Variants in CHLSN observed in about 807,000 individuals in gnomAD.
CHLSN encodes the protein cholesin.
chr7:1,009,034 CACACATGCACACACGT>C, the CHLSN span, among the ~76,000 whole-genome samples: 1 of 80,302 alleles, frequency 1.2e-5, no homozygotes, highest in African/African-American at 6.4e-5. Context: ...CACACACGTA[CACACATGCACACACGT>C]ACACGTGCAC....
chr7:1,082,662 A>G, the CHLSN span, among the ~76,000 whole-genome samples: 324 of 152,298 alleles, frequency 2.1e-3, 1 homozygote, highest in Non-Finnish European at 3.9e-3. Context: ...ATCCCAAAGC[A>G]TATCACAGCC....
At chr7:1,015,737 T>A in the CHLSN span, among the ~76,000 whole-genome samples, 1 of 152,080 alleles carries the variant, frequency 6.6e-6, no homozygotes, top group Non-Finnish European at 1.5e-5. Context: ...GGGCCCCTAA[T>A]GCCCAGCCCT....
At chr7:1,131,818 ACTTTTCC>A in the CHLSN span, among the ~76,000 whole-genome samples, 3 of 152,262 alleles carry the variant, frequency 2.0e-5, 1 homozygote, top group East Asian at 5.8e-4. Flanking sequence ...GGGATAAAAG[ACTTTTCC>A]ATATTATGGA....
At chr7:1,064,813 C>T in the CHLSN span, among the ~76,000 whole-genome samples, 2 of 152,192 alleles carry the variant, frequency 1.3e-5, no homozygotes, top group African/African-American at 4.8e-5. Flanking sequence ...GCAGCCCCTG[C>T]TGCCAGGCTC....
the CHLSN span, among the ~76,000 whole-genome samples, chr7:1,027,813 C>T: frequency 7.2e-5 from 11 of 152,216 alleles, no homozygotes; most frequent in East Asian, 3.8e-4. Flanking sequence ...AAGGGTCACG[C>T]GGCGGCCGAC....
the CHLSN span, among the ~76,000 whole-genome samples, chr7:1,135,686 GA>G: frequency 6.6e-6 from 1 of 150,496 alleles, no homozygotes; most frequent in Non-Finnish European, 1.5e-5. Context: ...AGAATCGTTT[GA>G]ATACGAGGTG....
chr7:1,017,219 A>C, the CHLSN span, among the ~76,000 whole-genome samples: 41 of 152,280 alleles, frequency 2.7e-4, no homozygotes, highest in East Asian at 4.6e-3. Flanking sequence ...GCATCAAAGA[A>C]TGGCAGAGAA....
At chr7:1,035,774 A>T in the CHLSN span, among the ~76,000 whole-genome samples, 14 of 152,218 alleles carry the variant, frequency 9.2e-5, no homozygotes, top group Admixed American at 7.9e-4. Context: ...GGATTCAGCA[A>T]ATGTGCCCCT....
the CHLSN span, among the ~76,000 whole-genome samples, chr7:1,042,143 C>T: frequency 0.31 from 46,393 of 150,844 alleles, 8,797 homozygotes; most frequent in African/African-American, 0.53. Flanking sequence ...AACTAGGGCA[C>T]CCCCCACCCG....
At chr7:1,052,056 A>G in the CHLSN span, among the ~76,000 whole-genome samples, 1 of 152,252 alleles carries the variant, frequency 6.6e-6, no homozygotes. This position sits in a 1 kb window ranked among gnomAD's most constrained non-coding sequence, Gnocchi z 4.2. Flanking sequence ...TAGGGAAAAT[A>G]AAACGATTGA....
At chr7:987,132 C>A in the CHLSN span, 2 of 1,565,942 alleles carry the variant, frequency 1.3e-6, no homozygotes, top group Non-Finnish European at 8.7e-7. Context: ...GGCCTGTTTG[C>A]TGAGGCCAAC....
chr7:1,007,553 C>T, the CHLSN span, among the ~76,000 whole-genome samples: 6 of 152,094 alleles, frequency 3.9e-5, no homozygotes, highest in Non-Finnish European at 5.9e-5. Flanking sequence ...GCTGGGCTTG[C>T]GGGCACCCTT....
At chr7:1,083,922 G>A in the CHLSN span, among the ~76,000 whole-genome samples, 2 of 152,256 alleles carry the variant, frequency 1.3e-5, no homozygotes, top group African/African-American at 4.8e-5. Flanking sequence ...CTGGCGCGGA[G>A]CCACGGCCTG....
chr7:988,497 C>A, the CHLSN span: 1 of 1,601,626 alleles, frequency 6.2e-7, no homozygotes, highest in Non-Finnish European at 8.5e-7. Context: ...CGCCTGCCGC[C>A]TCTGCACCCA....
At chr7:1,072,318 G>A in the CHLSN span, among the ~76,000 whole-genome samples, 2 of 152,180 alleles carry the variant, frequency 1.3e-5, no homozygotes, top group Admixed American at 6.5e-5. Flanking sequence ...TCCAAAGCAC[G>A]CACGACTGCA....
chr7:1,093,383 G>C, the CHLSN span: 2 of 443,158 alleles, frequency 4.5e-6, no homozygotes, highest in Non-Finnish European at 9.5e-6. Context: ...GCACCGCCGA[G>C]TTAAAGAGGA....
At chr7:1,111,371 A>G in the CHLSN span, among the ~76,000 whole-genome samples, 1 of 152,252 alleles carries the variant, frequency 6.6e-6, no homozygotes. Context: ...TTGATGGCAA[A>G]GGTTTTCTCA....
the CHLSN span, among the ~76,000 whole-genome samples, chr7:1,068,781 C>T: frequency 4.6e-5 from 7 of 152,162 alleles, no homozygotes; most frequent in African/African-American, 1.7e-4. Flanking sequence ...AAGTCAAATA[C>T]CTGAAAAGCC....
the CHLSN span, among the ~76,000 whole-genome samples, chr7:1,114,239 G>C: frequency 6.6e-6 from 1 of 152,230 alleles, no homozygotes; most frequent in Non-Finnish European, 1.5e-5. Context: ...CAACCACTGG[G>C]CCTCTTCCAC....
Sources: gnomAD v4.1 joint callset for allele counts (sites outside exome capture counted in the v4.1 genomes callset) on GRCh38, gnomAD v4.1.1 for gene constraint, Gnocchi (gnomAD v3.1) non-coding constraint, MANE v1.5 for transcripts, NCBI Gene and HGNC (gene_info 2026-07-23, HGNC 2026-07-21) for gene names.